Variants in RASA1 observed in about 807,000 individuals in gnomAD.
RASA1 encodes ras GTPase-activating protein 1.
RASA1 carries 25 observed loss-of-function variants against 132.2 expected under a neutral mutation model. That is an observed-to-expected ratio of 0.19 (90% CI 0.14 to 0.26). The LOEUF (loss-of-function observed/expected upper bound fraction) is 0.26, where lower values mean the gene tolerates loss of function less well. Ranked by LOEUF, RASA1 falls within the 10% of genes least tolerant of loss-of-function variation. RASA1 has a pLI of 1.00. For missense variants in RASA1, 964 were observed against 1,299.2 expected (o/e 0.74, Z 3.97); for synonymous variants, 477 against 449.9 (o/e 1.06, Z -0.76).
intron 1 of RASA1, among the ~76,000 whole-genome samples, chr5:87,321,497 T>G (rs1756802567): frequency 6.6e-6 from 1 of 152,184 alleles, no homozygotes; most frequent in African/African-American, 2.4e-5. Flanking sequence ...CGAGTTGGGG[T>G]TTCCACAACC....
At chr5:87,320,083 A>G (rs766935818) in intron 1 of RASA1, among the ~76,000 whole-genome samples, 4 of 152,168 alleles carry the variant, frequency 2.6e-5, no homozygotes, top group African/African-American at 4.8e-5. Flanking sequence ...TCTCTGCTAA[A>G]TCATAGCAAG....
At chr5:87,323,116 A>G (rs955581062) in intron 1 of RASA1, among the ~76,000 whole-genome samples, 1 of 152,228 alleles carries the variant, frequency 6.6e-6, no homozygotes, top group Non-Finnish European at 1.5e-5. Context: ...TGATATTTCC[A>G]TGACTGTGAA....
intron 8 of RASA1, among the ~76,000 whole-genome samples, chr5:87,352,803 A>G (rs1160880054): frequency 6.6e-6 from 1 of 151,664 alleles, no homozygotes. Flanking sequence ...TGAATTCTTC[A>G]TTCTTAGTAT....
rs1753674834 is a variant in RASA1 at position 87,268,611 on chromosome 5, G to C, written c.160G>C (p.Glu54Gln). ...AGCCGCCCCCTATCCTGGGCTGGTG[G>C]AGACCGGAGTGGCTGGAACTCTGGG... Reference protein sequence around the residue: ...VAAAPYPGLVETGVAGTLGGG... With the variant: ...VAAAPYPGLVQTGVAGTLGGG... Residue 54 changes from glutamate to glutamine, a missense_variant, in exon 1 of 25, where the codon GAG becomes CAG. Physicochemically the swap from Glu to Gln is conservative, Grantham distance 29 (BLOSUM62 2). Coordinates refer to ENST00000274376, the MANE Select transcript of RASA1 (RefSeq NM_002890.3). The C allele has an allele frequency of 6.2e-7, 1 of 1,611,970 alleles. No individual in the cohort carries two copies. The highest frequency in any genetic ancestry group is 8.5e-7 in the Non-Finnish European group (1 of 1,179,506).
chr5:87,374,858 C>G lies in RASA1; in HGVS notation c.1953C>G (p.Ile651Met). ...CCTTTAGTGATCTTCCTCCTGACATCAATAGATTTGAAATAACTCTTAGTA... is the reference window on the plus strand; with the variant it reads ...CCTTTAGTGATCTTCCTCCTGACATGAATAGATTTGAAATAACTCTTAGTA... ...EFVFDDLPPD[I>M]NRFEITLSNK... The change falls in exon 15 of 25, where the codon ATC becomes ATG. Residue 651 changes from isoleucine to methionine, a missense_variant. Transcript: ENST00000274376. The G allele has an allele frequency of 6.2e-7, 1 of 1,608,154 alleles. No individual in the cohort carries two copies. The highest frequency in any genetic ancestry group is 8.5e-7 in the Non-Finnish European group (1 of 1,176,940).
intron 1 of RASA1, among the ~76,000 whole-genome samples, chr5:87,295,196 T>C (rs1374434100): frequency 6.6e-6 from 1 of 152,140 alleles, no homozygotes; most frequent in Non-Finnish European, 1.5e-5. Context: ...TGGTGTATCT[T>C]TCTCCATCCC....
intron 1 of RASA1, among the ~76,000 whole-genome samples, chr5:87,297,360 A>T (rs535389649): frequency 6.6e-6 from 1 of 152,308 alleles, no homozygotes; most frequent in Admixed American, 6.5e-5. Flanking sequence ...AGGTAAAAGG[A>T]ACTGCTGCAA....
At chr5:87,270,551 T>C (rs1166585090) in intron 1 of RASA1, among the ~76,000 whole-genome samples, 1 of 150,866 alleles carries the variant, frequency 6.6e-6, no homozygotes, top group East Asian at 2.0e-4. Flanking sequence ...TTTCGCCATA[T>C]GGCCAAACTG....
At chr5:87,333,781 A>T (rs1337787653) in intron 4 of RASA1, among the ~76,000 whole-genome samples, 1 of 152,148 alleles carries the variant, frequency 6.6e-6, no homozygotes, top group Non-Finnish European at 1.5e-5. Context: ...TAATTTGATA[A>T]TCAGATTATC....
intron 1 of RASA1, among the ~76,000 whole-genome samples, chr5:87,319,231 A>T (rs1392152429): frequency 6.6e-6 from 1 of 152,210 alleles, no homozygotes; most frequent in Admixed American, 6.5e-5. Flanking sequence ...GCAAGCTGTC[A>T]GTGGATCTAC....
At chr5:87,330,067 A>G (rs1371831874) in intron 1 of RASA1, among the ~76,000 whole-genome samples, 1 of 152,134 alleles carries the variant, frequency 6.6e-6, no homozygotes, top group Non-Finnish European at 1.5e-5. Flanking sequence ...ACAGGTTACA[A>G]TTATATTTTG....
intron 12 of RASA1, among the ~76,000 whole-genome samples, chr5:87,371,804 G>A (rs1760963579): frequency 6.6e-6 from 1 of 152,074 alleles, no homozygotes; most frequent in Non-Finnish European, 1.5e-5. Context: ...GGTAGTATCT[G>A]TTTGGGAGAA....
chr5:87,387,571 A>AT (rs1238254136), intron 23 of RASA1, among the ~76,000 whole-genome samples: 1 of 152,152 alleles, frequency 6.6e-6, no homozygotes, highest in African/African-American at 2.4e-5. Flanking sequence ...AGGAAGGTGC[A>AT]TGTACATGTG....
At chr5:87,376,220 C>G in intron 15 of RASA1, 173 bp from the exon 16 acceptor site, 1 of 729,748 alleles carries the variant, frequency 1.4e-6, no homozygotes, top group South Asian at 1.8e-5. Context: ...TTTAGTGCAC[C>G]GTAGACACTC....
chr5:87,284,668 T>C (rs970243234), intron 1 of RASA1, among the ~76,000 whole-genome samples: 1 of 152,206 alleles, frequency 6.6e-6, no homozygotes, highest in Non-Finnish European at 1.5e-5. Flanking sequence ...ACATTTGTCA[T>C]CATTAGTAAT....
In RASA1 at chr5:87,349,339, A is replaced by G; in HGVS notation, c.1228A>G (p.Met410Val). ...KICPTPNNQF[M>V]MGGRYYNSIG... The stretch of plus-strand genomic sequence containing the variant: ...ATGTCCAACGCCAAACAATCAGTTT[A>G]TGATGGGAGGCCGGTATTATAACAG... The change falls in exon 8 of 25, where the codon ATG (methionine) becomes GTG (valine). Residue 410 changes from methionine (M) to valine (V), a missense_variant. Met to Val is a conservative substitution (Grantham distance 21). Coordinates refer to ENST00000274376, the MANE Select transcript of RASA1 (RefSeq NM_002890.3). 6.2e-7 allele frequency: 1 copy of G among 1,611,926 alleles called. No individual in the cohort carries two copies.
At chr5:87,348,026 A>G (rs147657420) in intron 7 of RASA1, among the ~76,000 whole-genome samples, 1 of 152,166 alleles carries the variant, frequency 6.6e-6, no homozygotes, top group East Asian at 1.9e-4. Context: ...ACAAATAAGC[A>G]CTTGCATGCA....
At chr5:87,369,934 TTTA>T (rs1472834373) in intron 12 of RASA1, 34 bp downstream of exon 12, 3 of 1,517,252 alleles carry the variant, frequency 2.0e-6, no homozygotes, top group Non-Finnish European at 2.7e-6. Context: ...ACAGTATACT[TTTA>T]TGTTAGCCCA....
chr5:87,337,265 T>C (rs1168392882), intron 4 of RASA1, among the ~76,000 whole-genome samples: 1 of 152,072 alleles, frequency 6.6e-6, no homozygotes, highest in Non-Finnish European at 1.5e-5. Flanking sequence ...TGAAAACATC[T>C]AGGTTTCAGT....
Sources: gnomAD v4.1 joint callset for allele counts (sites outside exome capture counted in the v4.1 genomes callset) on GRCh38, gnomAD v4.1.1 for gene constraint, MANE v1.5 for transcripts, NCBI Gene and HGNC (gene_info 2026-07-23, HGNC 2026-07-21) for gene names.